Variants in SLC27A2 observed in about 807,000 individuals in gnomAD.
SLC27A2 encodes the protein solute carrier family 27 member 2, also known as long-chain fatty acid transport protein 2.
A neutral mutation model predicts 60.0 loss-of-function variants in SLC27A2; 54 were observed. The ratio of observed to expected loss-of-function variants is 0.90; its 90% CI spans 0.72 to 1.13. The LOEUF (loss-of-function observed/expected upper bound fraction) is 1.13, where lower values mean the gene tolerates loss of function less well. Among genes scored for constraint, SLC27A2 ranks in the 50% most tolerant of loss-of-function variants. SLC27A2 has a pLI of 0.00. For missense variants in SLC27A2, 739 were observed against 777.6 expected (o/e 0.95, Z 0.59); for synonymous variants, 297 against 297.6 (o/e 1.00, Z 0.02).
chr15:50,203,707 T>C (rs148648217), intron 3 of SLC27A2, among the ~76,000 whole-genome samples: 1 of 152,228 alleles, frequency 6.6e-6, no homozygotes, highest in Non-Finnish European at 1.5e-5. Flanking sequence ...CAAAAATGTA[T>C]ATGTTGAAAT....
intron 1 of SLC27A2, among the ~76,000 whole-genome samples, chr15:50,188,526 C>T (rs1430422633): frequency 6.6e-6 from 1 of 152,232 alleles, no homozygotes; most frequent in Non-Finnish European, 1.5e-5. Flanking sequence ...AATCTACACT[C>T]TTCCCAACTC....
chr15:50,216,597 T>G (rs895548959), intron 4 of SLC27A2, among the ~76,000 whole-genome samples: 1 of 43,636 alleles, frequency 2.3e-5, no homozygotes, highest in African/African-American at 6.7e-5. Context: ...GAAACTGTGG[T>G]GTGTGTGTGT....
At position 50,233,859 on chromosome 15, in the gene SLC27A2, TA is replaced by T. The variant is rs776934094; in HGVS notation, c.1556-8del. On this transcript the variant is annotated splice_polypyrimidine_tract_variant and splice_region_variant and intron_variant, in intron 8 of 9. Transcript: ENST00000267842. The stretch of plus-strand genomic sequence containing the variant: ...TAACACTTCTAATTTTTTCTCACTT[TA>T]TTTCTAGATCATGAGGGTCGCATTG... 1.9e-6 allele frequency: 3 copies of T among 1,606,480 alleles called. No homozygotes were observed. The highest frequency in any genetic ancestry group is 2.7e-5 in the African/African-American group (2 of 74,370).
chr15:50,189,281 A>G (rs991084664), intron 1 of SLC27A2, among the ~76,000 whole-genome samples: 2 of 152,158 alleles, frequency 1.3e-5, no homozygotes, highest in African/African-American at 4.8e-5. Context: ...CTCCTAATCA[A>G]TGACTCTGTC....
In SLC27A2 at chr15:50,197,704, C is replaced by A. The variant is rs1567428926; in HGVS notation, c.683C>A (p.Thr228Asn). Residue 228 changes from threonine to asparagine, a missense_variant, in exon 2 of 10, where the codon ACC becomes AAC. By Grantham distance (65) the Thr-to-Asn change is moderately conservative. Transcript: ENST00000267842. ...TPALYIYTSG[T>N]TGLPKAAMIT... is the part of the protein sequence containing the mutation. Reference sequence around the variant, plus strand: ...GCCTTATACATTTATACTTCTGGAACCACAGGTAAAAATAAAGGGGGGATT... The same window carrying A: ...GCCTTATACATTTATACTTCTGGAAACACAGGTAAAAATAAAGGGGGGATT... 2 of 1,608,340 alleles carry A rather than the reference C, an allele frequency of 1.2e-6. No individual in the cohort carries two copies. Among genetic ancestry groups the A allele is most frequent in the Non-Finnish European group, 1.7e-6 (2 of 1,175,252 alleles).
At chr15:50,229,874 A>G (rs1463242754) in intron 8 of SLC27A2, among the ~76,000 whole-genome samples, 1 of 152,166 alleles carries the variant, frequency 6.6e-6, no homozygotes, top group Non-Finnish European at 1.5e-5. Context: ...TATTCAAAGT[A>G]GAAATCTAAA....
At chr15:50,208,435 G>C (rs76264726) in intron 4 of SLC27A2, among the ~76,000 whole-genome samples, 1 of 152,110 alleles carries the variant, frequency 6.6e-6, no homozygotes, top group Non-Finnish European at 1.5e-5. Flanking sequence ...TCAGCTTCCC[G>C]TCAGCCAACA....
At chr15:50,188,645 C>T (rs561489066) in intron 1 of SLC27A2, among the ~76,000 whole-genome samples, 7 of 152,246 alleles carry the variant, frequency 4.6e-5, no homozygotes, top group South Asian at 4.2e-4. Flanking sequence ...ATGTCTAGCA[C>T]ATAGTAGGCA....
rs2045292177 is a variant in SLC27A2 at position 50,228,399 on chromosome 15, A to AG, written c.1458-545dup. ...CTCAAAAAAAAAAAAAAAAAAAAAA[A>AG]GAATTTTTAATGAAAACAAAATTTA... On this transcript the variant is annotated intron_variant, in intron 7 of 9. Transcript: ENST00000267842. 2.0e-5 allele frequency among the ~76,000 whole-genome samples: 3 copies of AG among 148,284 alleles called. No homozygotes were observed. In the South Asian group the frequency reaches 6.3e-4, roughly 31 times the overall value.
intron 8 of SLC27A2, among the ~76,000 whole-genome samples, chr15:50,230,116 C>T (rs1176070319): frequency 6.6e-6 from 1 of 151,866 alleles, no homozygotes; most frequent in African/African-American, 2.4e-5. Context: ...TGCCTATAGT[C>T]CCAGCTACTC....
Position 50,182,682 on chromosome 15 carries a change from C to G in SLC27A2, c.255C>G (p.Asp85Glu). ...AGACTCTCACCTACGCGCAGGTGGA[C>G]CGGCGCAGCAATCAAGTGGCCCGGG... ...RDETLTYAQV[D>E]RRSNQVARAL... Residue 85 changes from aspartate to glutamate, a missense_variant, in exon 1 of 10, where the codon GAC (aspartate) becomes GAG (glutamate). Transcript: ENST00000267842. The G allele has an allele frequency of 1.2e-6, 2 of 1,613,946 alleles. No homozygotes were observed. Among genetic ancestry groups the G allele is most frequent in the Non-Finnish European group, 1.7e-6 (2 of 1,179,910 alleles).
At chr15:50,184,315 T>C (rs983218376) in intron 1 of SLC27A2, among the ~76,000 whole-genome samples, 1 of 152,060 alleles carries the variant, frequency 6.6e-6, no homozygotes, top group Non-Finnish European at 1.5e-5. Context: ...CTTATTGTTT[T>C]CCTCTGCATG....
intron 4 of SLC27A2, among the ~76,000 whole-genome samples, chr15:50,205,770 G>T (rs1204035696): frequency 7.2e-5 from 11 of 152,144 alleles, no homozygotes; most frequent in Admixed American, 7.2e-4. Context: ...CCCTTGTCAT[G>T]TTGCAGGAGT....
At chr15:50,186,404 G>A (rs2044922800) in intron 1 of SLC27A2, among the ~76,000 whole-genome samples, 1 of 147,566 alleles carries the variant, frequency 6.8e-6, no homozygotes, top group South Asian at 2.3e-4. Context: ...AAACAGTCTA[G>A]TTTCCCATTG....
Position 50,236,293 on chromosome 15 carries a change from G to A in SLC27A2, c.*197G>A. On this transcript the variant is annotated 3_prime_UTR_variant, in exon 10 of 10. Coordinates refer to ENST00000267842, the MANE Select transcript of SLC27A2 (RefSeq NM_003645.4). ...TTTAGAGATTATTATTTTTCAGTGT[G>A]CACCTACTGTTTGTATTTGCAAACT... 1 of 439,202 alleles carries A rather than the reference G, an allele frequency of 2.3e-6. No homozygotes were observed. Among genetic ancestry groups the A allele is most frequent in the Non-Finnish European group, 4.0e-6 (1 of 252,454 alleles). The allele number at this position is 439,202 out of a possible 1,614,324, so 27.2% of individuals were successfully genotyped here.
At chr15:50,204,766 C>T (rs1320293632) in intron 3 of SLC27A2, among the ~76,000 whole-genome samples, 6 of 149,586 alleles carry the variant, frequency 4.0e-5, no homozygotes, top group African/African-American at 1.5e-4. Flanking sequence ...AAGACTCTGT[C>T]TCAAATATAT....
intron 4 of SLC27A2, among the ~76,000 whole-genome samples, chr15:50,209,732 G>A (rs2045139902): frequency 6.6e-6 from 1 of 152,162 alleles, no homozygotes; most frequent in African/African-American, 2.4e-5. Context: ...GCAAACAGGT[G>A]GAGCCTTGTC....
In SLC27A2 at chr15:50,235,683, C is replaced by T. The variant is rs139820538; in HGVS notation, c.1687-237C>T. Among the ~76,000 whole-genome samples, 150 of 152,260 alleles carry T rather than the reference C, an allele frequency of 9.9e-4. 1 individual carries two copies. The Middle Eastern group carries it at 0.024, about 24-fold the overall frequency. ...TTTGCTAACTAGCCAAACTATTCCA[C>T]GATGTATATGTACTTCAGCACATCA... On this transcript the variant is annotated intron_variant, in intron 9 of 9. Transcript: ENST00000267842.
chr15:50,183,547 G>A (rs923832449), intron 1 of SLC27A2, among the ~76,000 whole-genome samples: 7 of 152,134 alleles, frequency 4.6e-5, no homozygotes, highest in African/African-American at 1.7e-4. Context: ...AGCCCCCACT[G>A]CATCTATCAC....
Sources: allele counts gnomAD v4.1 joint callset (sites outside exome capture counted in the v4.1 genomes callset), GRCh38; gene constraint gnomAD v4.1.1; transcripts MANE v1.5; gene names NCBI Gene and HGNC (gene_info 2026-07-23, HGNC 2026-07-21).